Variants in TBC1D5 observed in about 807,000 individuals in gnomAD.
TBC1D5 encodes TBC1 domain family member 5.
TBC1D5 carries 75 observed loss-of-function variants against 100.3 expected under a neutral mutation model. That is an observed-to-expected ratio of 0.75 (90% CI 0.62 to 0.91). The LOEUF is 0.91. Ranked by LOEUF, TBC1D5 falls within the 40% of genes least tolerant of loss-of-function variation. The pLI, the probability that TBC1D5 is intolerant of heterozygous loss-of-function variation, is 0.00. For synonymous variants in TBC1D5, 323 were observed against 325.6 expected (o/e 0.99, Z 0.09); for missense variants, 910 against 942.4 (o/e 0.97, Z 0.45).
intron 3 of TBC1D5, among the ~76,000 whole-genome samples, chr3:17,479,680 A>T: frequency 6.6e-6 from 1 of 152,196 alleles, no homozygotes; most frequent in East Asian, 1.9e-4. Flanking sequence ...CTACAAAAAA[A>T]TTAAAAAATT....
rs1348818822 is a variant in TBC1D5 at position 17,458,598 on chromosome 3, T to C, written c.98-30079A>G. On this transcript the variant is annotated intron_variant, in intron 3 of 21. Coordinates refer to ENST00000253692, the Ensembl canonical transcript of TBC1D5. ...TCTAGAGGTGTACAGCTGTGTCTTA[T>C]CCAGGTAAGTCAGTACTTGTAGGAT... Among the ~76,000 whole-genome samples, 4 of 152,198 alleles carry C rather than the reference T, an allele frequency of 2.6e-5. No individual in the cohort carries two copies. The East Asian group carries it at 7.7e-4, about 29-fold the overall frequency.
chr3:17,433,796 C>T (rs1185381668), intron 3 of TBC1D5, among the ~76,000 whole-genome samples: 1 of 152,150 alleles, frequency 6.6e-6, no homozygotes, highest in Non-Finnish European at 1.5e-5. Context: ...CCTCTATGAG[C>T]CTGCAAAATC....
At chr3:17,224,990 A>T (rs2074691772) in intron 17 of TBC1D5, among the ~76,000 whole-genome samples, 1 of 152,196 alleles carries the variant, frequency 6.6e-6, no homozygotes, top group South Asian at 2.1e-4. Flanking sequence ...GCTTACTAAC[A>T]TATTTTTGTG....
chr3:17,196,148 C>T (rs950099335), intron 18 of TBC1D5, among the ~76,000 whole-genome samples: 1 of 152,202 alleles, frequency 6.6e-6, no homozygotes, highest in Non-Finnish European at 1.5e-5. Flanking sequence ...TATAAGTAAA[C>T]ACAAGTAGTT....
rs142130823 is a variant in TBC1D5 at position 17,393,707 on chromosome 3, A to G, written c.509+9474T>C. Among the ~76,000 whole-genome samples, 59 of 152,282 alleles carry G rather than the reference A, an allele frequency of 3.9e-4. No homozygotes were observed. The East Asian group carries it at 0.011, about 29-fold the overall frequency. ...CACCTGATCTTTGACAAACCTGACA[A>G]AAGCAAGCAATGGGGAAAGGACTCC... On this transcript the variant is annotated intron_variant, in intron 8 of 21. Transcript: ENST00000253692.
intron 2 of TBC1D5, among the ~76,000 whole-genome samples, chr3:17,584,828 T>C (rs1293843427): frequency 6.6e-6 from 1 of 152,176 alleles, no homozygotes; most frequent in Non-Finnish European, 1.5e-5. Context: ...AGCTAGTTTT[T>C]TGTATTTTTA....
chr3:17,166,934 T>G lies in TBC1D5; in HGVS notation c.1933-6A>C. 6.3e-7 allele frequency: 1 copy of G among 1,590,818 alleles called. No individual in the cohort carries two copies. The highest frequency in any genetic ancestry group is 8.5e-7 in the Non-Finnish European group (1 of 1,171,216). On this transcript the variant is annotated splice_polypyrimidine_tract_variant and splice_region_variant and intron_variant, in intron 20 of 21. Coordinates refer to ENST00000253692, the Ensembl canonical transcript of TBC1D5. ...CCTTTTAGAATGTCTTTGATCTATT[T>G]TCAAAGAAGAAGAAAATAAATGAAA...
intron 15 of TBC1D5, among the ~76,000 whole-genome samples, chr3:17,268,547 G>A (rs2079057755): frequency 6.6e-6 from 1 of 152,026 alleles, no homozygotes; most frequent in South Asian, 2.1e-4. Context: ...TATAGTGGCT[G>A]GTATGATCAT....
rs536303525 is a variant in TBC1D5, at chr3:17,555,955, A to G, written c.-35-47350T>C. On this transcript the variant is annotated intron_variant, in intron 2 of 21. Transcript: ENST00000253692. ...CCTTGGACAACAAGAGGATCCATTC[A>G]GTTGATTGGGGGCTTAGAATTTTAT... is the stretch of plus-strand genomic sequence containing the variant. 1.6e-4 allele frequency among the ~76,000 whole-genome samples: 25 copies of G among 152,262 alleles called. No individual in the cohort carries two copies. The East Asian group carries it at 4.2e-3, about 26-fold the overall frequency.
At chr3:17,631,731 C>G (rs1426815043) in intron 1 of TBC1D5, among the ~76,000 whole-genome samples, 2 of 152,148 alleles carry the variant, frequency 1.3e-5, no homozygotes, top group South Asian at 2.1e-4. Flanking sequence ...AGAAAAGGAA[C>G]AACAAATGCC....
chr3:17,204,085 A>G (rs2071832414), intron 18 of TBC1D5, among the ~76,000 whole-genome samples: 1 of 152,222 alleles, frequency 6.6e-6, no homozygotes, highest in Non-Finnish European at 1.5e-5. Context: ...GTGGATTAAA[A>G]ATATAACTTC....
At chr3:17,535,884 A>G (rs9310520) in intron 2 of TBC1D5, among the ~76,000 whole-genome samples, 81,718 of 151,844 alleles carry the variant, frequency 0.54, 23,709 homozygotes, top group African/African-American at 0.73. Context: ...ACATTATGGC[A>G]ATTACCAAAA....
chr3:17,512,594 G>T (rs1382327482), intron 2 of TBC1D5, among the ~76,000 whole-genome samples: 1 of 152,104 alleles, frequency 6.6e-6, no homozygotes, highest in Admixed American at 6.5e-5. Flanking sequence ...TCATAAAAAT[G>T]ATGCCTGAAG....
intron 16 of TBC1D5, among the ~76,000 whole-genome samples, chr3:17,249,680 A>G (rs1221460371): frequency 2.0e-5 from 3 of 152,308 alleles, no homozygotes; most frequent in African/African-American, 7.2e-5. Context: ...TTCTTTATAA[A>G]TTACCCAGCC....
chr3:17,192,217 A>G (rs2070017894), intron 18 of TBC1D5, among the ~76,000 whole-genome samples: 1 of 152,132 alleles, frequency 6.6e-6, no homozygotes, highest in Non-Finnish European at 1.5e-5. Flanking sequence ...CAAATAACAT[A>G]ATAGAGAAGA....
At chr3:17,375,793 G>C (rs542978418) in intron 10 of TBC1D5, among the ~76,000 whole-genome samples, 12 of 152,084 alleles carry the variant, frequency 7.9e-5, no homozygotes, top group South Asian at 4.1e-4. Flanking sequence ...AAAGTGGATG[G>C]CTATATTTGA....
At chr3:17,730,133 A>C (rs1195716916) in intron 1 of TBC1D5, among the ~76,000 whole-genome samples, 1 of 152,162 alleles carries the variant, frequency 6.6e-6, no homozygotes, top group African/African-American at 2.4e-5. Flanking sequence ...AATTATACTT[A>C]ATGTTGTACT....
chr3:17,368,623 C>A (rs1012045126), intron 13 of TBC1D5, among the ~76,000 whole-genome samples: 1 of 151,700 alleles, frequency 6.6e-6, no homozygotes, highest in Non-Finnish European at 1.5e-5. Context: ...TAACATTTTG[C>A]CATTGGCTCA....
intron 18 of TBC1D5, among the ~76,000 whole-genome samples, chr3:17,213,733 CAAAAAAAA>C (rs71632897): frequency 6.1e-3 from 372 of 61,086 alleles, no homozygotes; most frequent in African/African-American, 0.02. Flanking sequence ...GACTCTGTCT[CAAAAAAAA>C]AAAAAAAAAA....
Sources: allele counts gnomAD v4.1 joint callset (sites outside exome capture counted in the v4.1 genomes callset), GRCh38; gene constraint gnomAD v4.1.1; transcripts MANE v1.5; gene names NCBI Gene and HGNC (gene_info 2026-07-23, HGNC 2026-07-21).